Variants in CAMK1G observed in about 807,000 individuals in gnomAD.
CAMK1G encodes calcium/calmodulin-dependent protein kinase type 1G.
In CAMK1G, 27 loss-of-function variants were observed where a neutral mutation model predicts 54.8. That is an observed-to-expected ratio of 0.49 (90% CI 0.36 to 0.68). The LOEUF (loss-of-function observed/expected upper bound fraction) is 0.68. CAMK1G is among the 30% of genes least tolerant of loss of function. CAMK1G has a pLI of 0.00. For synonymous variants in CAMK1G, 238 were observed against 224.9 expected (o/e 1.06, Z -0.52); for missense variants, 512 against 591.0 (o/e 0.87, Z 1.39).
At chr1:209,589,860 G>T (rs1665201029) in intron 1 of CAMK1G, among the ~76,000 whole-genome samples, 1 of 152,170 alleles carries the variant, frequency 6.6e-6, no homozygotes, top group Non-Finnish European at 1.5e-5. Context: ...TTGAATGAAG[G>T]AGTATTACCT....
At chr1:209,611,594 C>A in intron 10 of CAMK1G, 42 bp downstream of exon 10, 2 of 1,580,808 alleles carry the variant, frequency 1.3e-6, no homozygotes, top group Non-Finnish European at 1.7e-6. Context: ...TGTTCTGGGC[C>A]CCTGGAGGCT....
At chr1:209,602,605 T>C (rs755597099) in intron 3 of CAMK1G, among the ~76,000 whole-genome samples, 23 of 152,218 alleles carry the variant, frequency 1.5e-4, no homozygotes, top group Non-Finnish European at 7.3e-5. Flanking sequence ...ATGTGACAGG[T>C]CACAGTCAAA....
chr1:209,612,194 C>T lies in CAMK1G; in HGVS notation c.1318C>T (p.Leu440Phe). 1 of 1,613,826 alleles carries T rather than the reference C, an allele frequency of 6.2e-7. No individual in the cohort carries two copies. Among genetic ancestry groups the T allele is most frequent in the Non-Finnish European group, 8.5e-7 (1 of 1,179,864 alleles). ...CTCCTACTGCTCTGAGCCCACACTCCTCAAAAAGGCCAACAAAAAACAGTA... is the reference window on the plus strand; with the variant it reads ...CTCCTACTGCTCTGAGCCCACACTCTTCAAAAAGGCCAACAAAAAACAGTA... ...KSSYCSEPTLLKKANKKQNFK... is the reference protein window; with the variant it reads ...KSSYCSEPTLFKKANKKQNFK... The change falls in exon 11 of 13, where the codon CTC (leucine) becomes TTC (phenylalanine). Residue 440 changes from leucine (L) to phenylalanine (F), a missense_variant. This residue lies in a region of CAMK1G where 315 missense variants were observed against 330.5 expected (regional missense o/e 0.95). Coordinates refer to ENST00000361322, the MANE Select transcript of CAMK1G (RefSeq NM_020439.3).
rs867123744 is a variant in CAMK1G, at chr1:209,613,664, C to A, written c.*662C>A. The A allele has an allele frequency of 6.6e-6, 1 of 152,190 alleles. No individual in the cohort carries two copies. Among genetic ancestry groups the A allele is most frequent in the Non-Finnish European group, 1.5e-5 (1 of 68,094 alleles). The allele number at this position is 152,190 out of a possible 1,614,324, so 9.4% of individuals were successfully genotyped here. ...TCCCTGCCTCAATCTAAAAGCAGTG[C>A]CACACCCTCCAAAGTGGAATAGAAA... On this transcript the variant is annotated 3_prime_UTR_variant, in exon 13 of 13. Coordinates refer to ENST00000361322, the MANE Select transcript of CAMK1G (RefSeq NM_020439.3).
At chr1:209,607,658 A>G in intron 6 of CAMK1G, 200 bp from the exon 7 acceptor site, 1 of 522,936 alleles carries the variant, frequency 1.9e-6, no homozygotes, top group Non-Finnish European at 3.4e-6. Context: ...CTAATGCAGA[A>G]GTCACAGTCT....
At chr1:209,603,317 C>T (rs1475002128) in intron 4 of CAMK1G, 29 bp downstream of exon 4, 2 of 1,591,888 alleles carry the variant, frequency 1.3e-6, no homozygotes, top group African/African-American at 2.7e-5. Context: ...GCTTCCTTCA[C>T]AGAGGCCTGG....
chr1:209,591,291 G>A (rs933725459), intron 1 of CAMK1G, among the ~76,000 whole-genome samples: 1 of 152,190 alleles, frequency 6.6e-6, no homozygotes, highest in African/African-American at 2.4e-5. Flanking sequence ...TGGGCCAGAA[G>A]ACCCAAACAC....
chr1:209,585,614 GC>G (rs1259785352), intron 1 of CAMK1G, among the ~76,000 whole-genome samples: 1 of 152,220 alleles, frequency 6.6e-6, no homozygotes, highest in African/African-American at 2.4e-5. Context: ...CATGCAAAGT[GC>G]CTAGCGCGGT....
chr1:209,612,998 G>T (rs1665820695), intron 12 of CAMK1G, 42 bp from the exon 13 acceptor site: 1 of 701,826 alleles, frequency 1.4e-6, no homozygotes, highest in Non-Finnish European at 2.5e-6. Flanking sequence ...TGGGGTCTGA[G>T]GTGGCAACCC....
chr1:209,589,632 T>G (rs1484520144), intron 1 of CAMK1G, among the ~76,000 whole-genome samples: 1 of 152,224 alleles, frequency 6.6e-6, no homozygotes, highest in Non-Finnish European at 1.5e-5. Context: ...GGACCTTTAG[T>G]GAGTGCCAGG....
chr1:209,604,448 C>T (rs1220178164), intron 4 of CAMK1G, among the ~76,000 whole-genome samples: 1 of 152,204 alleles, frequency 6.6e-6, no homozygotes, highest in Non-Finnish European at 1.5e-5. Context: ...GAATTCATAG[C>T]TCTGTACAAA....
At chr1:209,605,746 C>A in intron 5 of CAMK1G, 72 bp downstream of exon 5, 1 of 1,471,560 alleles carries the variant, frequency 6.8e-7, no homozygotes, top group Non-Finnish European at 9.2e-7. Context: ...CATGGGACAT[C>A]TAAGCTCCAT....
At chr1:209,598,567 A>G (rs1193663891) in intron 2 of CAMK1G, among the ~76,000 whole-genome samples, 1 of 152,224 alleles carries the variant, frequency 6.6e-6, no homozygotes, top group Non-Finnish European at 1.5e-5. Flanking sequence ...CTATAGAACC[A>G]GGAAATAACA....
At chr1:209,594,421 A>G (rs1287745381) in intron 1 of CAMK1G, among the ~76,000 whole-genome samples, 2 of 152,228 alleles carry the variant, frequency 1.3e-5, no homozygotes, top group African/African-American at 4.8e-5. Flanking sequence ...AAATGATTCA[A>G]TTTAGATTTT....
chr1:209,595,144 C>A, intron 2 of CAMK1G, 69 bp downstream of exon 2: 1 of 1,082,938 alleles, frequency 9.2e-7, no homozygotes, highest in Non-Finnish European at 1.4e-6. Context: ...GAGTTGTTCT[C>A]TGCTGGCAGC....
In CAMK1G at chr1:209,609,041, G is replaced by A; in HGVS notation, c.697G>A (p.Glu233Lys). 6.2e-7 allele frequency: 1 copy of A among 1,614,168 alleles called. No homozygotes were observed. The highest frequency in any genetic ancestry group is 8.5e-7 in the Non-Finnish European group (1 of 1,180,018). ...GTCTAAGCTTTTCGAGAAGATCAAGGAGGGCTACTATGAGTTTGAGTCTCC... is the reference window on the plus strand; with the variant it reads ...GTCTAAGCTTTTCGAGAAGATCAAGAAGGGCTACTATGAGTTTGAGTCTCC... ...TESKLFEKIK[E>K]GYYEFESPFW... Residue 233 changes from glutamate (E) to lysine (K), a missense_variant, in exon 8 of 13, where the codon GAG becomes AAG. By Grantham distance (56) the Glu-to-Lys change is moderately conservative. This residue lies in a region of CAMK1G where 315 missense variants were observed against 330.5 expected (regional missense o/e 0.95). Transcript: ENST00000361322.
intron 1 of CAMK1G, among the ~76,000 whole-genome samples, chr1:209,594,078 G>T (rs1181221598): frequency 6.6e-6 from 1 of 152,066 alleles, no homozygotes; most frequent in East Asian, 1.9e-4. Context: ...TCTTTGCTTG[G>T]TTGGCTCCTT....
At chr1:209,604,690 A>C (rs1403165393) in intron 4 of CAMK1G, among the ~76,000 whole-genome samples, 1 of 152,120 alleles carries the variant, frequency 6.6e-6, no homozygotes, top group East Asian at 1.9e-4. Flanking sequence ...TGCTTATCTC[A>C]GAGAAGGCAA....
At chr1:209,599,869 C>A in intron 2 of CAMK1G, 114 bp from the exon 3 acceptor site, 2 of 1,269,556 alleles carry the variant, frequency 1.6e-6, no homozygotes, top group Non-Finnish European at 2.2e-6. Context: ...CAGTATATGC[C>A]TTTGTGGTCA....
Sources: allele counts gnomAD v4.1 joint callset (sites outside exome capture counted in the v4.1 genomes callset), GRCh38; gene constraint gnomAD v4.1.1; regional missense constraint gnomAD v4.1.1; transcripts MANE v1.5; gene names NCBI Gene and HGNC (gene_info 2026-07-23, HGNC 2026-07-21).